SIRT4: variants seen among roughly 807,000 people sequenced by gnomAD.
SIRT4 encodes the protein NAD-dependent protein lipoamidase sirtuin-4, mitochondrial.
Under a neutral mutation model 26.1 loss-of-function variants are expected in SIRT4, and 23 were observed. The ratio of observed to expected loss-of-function variants is 0.88; its 90% confidence interval spans 0.63 to 1.25. The LOEUF is 1.25. Among genes scored for constraint, SIRT4 ranks in the 50% most tolerant of loss-of-function variants. The pLI, the probability that SIRT4 is intolerant of heterozygous loss-of-function variation, is 0.00. For synonymous variants in SIRT4, 155 were observed against 158.4 expected, an observed-to-expected ratio of 0.98 and a Z score of 0.16; for missense variants, 361 against 405.4, an observed-to-expected ratio of 0.89 and a Z score of 0.94.
At chr12:120,304,831 A>AT (rs1872686383) in intron 2 of SIRT4, among the ~76,000 whole-genome samples, 2 of 5,606 alleles carry the variant, frequency 3.6e-4, no homozygotes, top group Non-Finnish European at 9.0e-4. Context: ...ATATATATAT[A>AT]TATATTTTTT....
intron 2 of SIRT4, among the ~76,000 whole-genome samples, chr12:120,305,637 C>T (rs1256989903): frequency 6.6e-6 from 1 of 152,108 alleles, no homozygotes; most frequent in Non-Finnish European, 1.5e-5. Context: ...AATTCCCTAA[C>T]ATTTTGACTC....
chr12:120,312,335 T>C, intron 2 of SIRT4, 121 bp from the exon 3 acceptor site: 1 of 889,276 alleles, frequency 1.1e-6, no homozygotes, highest in Non-Finnish European at 1.7e-6. Context: ...GGGGTGGGGA[T>C]TGTGTGTTAG....
At chr12:120,298,057 G>A (rs1042654439), upstream of SIRT4, among the ~76,000 whole-genome samples, 6 of 151,738 alleles carry the variant, frequency 4.0e-5, no homozygotes, top group Non-Finnish European at 1.5e-5. Flanking sequence ...GTGGCCGGGC[G>A]CAGTGGCTCA....
At position 120,312,985 on chromosome 12, in the gene SIRT4, G is replaced by GA. The variant is rs763841971; in HGVS notation, c.897dup (p.Leu300ThrfsTer20). 5 of 1,614,014 alleles carry GA rather than the reference G, an allele frequency of 3.1e-6. No individual in the cohort carries two copies. In the East Asian group the frequency reaches 8.9e-5, roughly 29 times the overall value. The stretch of plus-strand genomic sequence containing the variant: ...CACGGTCGGATGACTTGGCGTGTCT[G>GA]AAACTGAATTCTCGTTGTGGAGAGT... On this transcript the variant is annotated frameshift_variant, in exon 4 of 4. Transcript: ENST00000202967. LOFTEE classifies it high-confidence loss of function.
chr12:120,295,918 A>T, the SIRT4 span, among the ~76,000 whole-genome samples: 2 of 151,324 alleles, frequency 1.3e-5, no homozygotes, highest in Non-Finnish European at 2.9e-5. Flanking sequence ...ACAAAATTAC[A>T]AAAATACAAA....
intron 2 of SIRT4, among the ~76,000 whole-genome samples, chr12:120,307,144 G>A (rs1009527342): frequency 2.0e-5 from 3 of 152,104 alleles, no homozygotes; most frequent in Non-Finnish European, 4.4e-5. Context: ...GTGTACATAC[G>A]TTACACTATG....
chr12:120,305,994 A>G (rs1317856056), intron 2 of SIRT4, among the ~76,000 whole-genome samples: 1 of 150,758 alleles, frequency 6.6e-6, no homozygotes, highest in African/African-American at 2.4e-5. Flanking sequence ...CCTGGGTGAC[A>G]GAGCGAGACT....
chr12:120,292,984 T>G, the SIRT4 span: 1 of 152,136 alleles, frequency 6.6e-6, no homozygotes, highest in Non-Finnish European at 1.5e-5. Context: ...GGTAAGACAC[T>G]TCCCCATCTC....
In SIRT4 at chr12:120,304,214, G is replaced by A. The variant is rs556779998; in HGVS notation, c.497+156G>A. On this transcript the variant is annotated intron_variant, in intron 2 of 3. Transcript: ENST00000202967. The stretch of plus-strand genomic sequence containing the variant: ...GTTGATTCCAGTAAATTCATTGACG[G>A]AGCAAGGATGTAAAACAGGAAAGAG... 430 of 567,374 alleles carry A rather than the reference G, an allele frequency of 7.6e-4. 2 individuals carry two copies. In the African/African-American group the frequency reaches 8.3e-3, roughly 11 times the overall value. The allele number at this position is 567,374 out of a possible 1,614,324, so 35.1% of individuals were successfully genotyped here. A position where few individuals can be genotyped will look rare whatever the true frequency, so the allele number is the denominator to read the frequency against.
the SIRT4 span, among the ~76,000 whole-genome samples, chr12:120,292,644 C>A: frequency 2.7e-5 from 4 of 150,256 alleles, no homozygotes; most frequent in Non-Finnish European, 5.9e-5. Flanking sequence ...AGCCAGCTGG[C>A]AAGAAAAGTC....
chr12:120,299,253 A>T (rs1872458947), upstream of SIRT4, among the ~76,000 whole-genome samples: 1 of 150,312 alleles, frequency 6.7e-6, no homozygotes, highest in Admixed American at 6.7e-5. Flanking sequence ...AAATACAATA[A>T]TAATAATAAT....
chr12:120,302,806 G>GC (rs1242240585), intron 1 of SIRT4, among the ~76,000 whole-genome samples: 6 of 147,470 alleles, frequency 4.1e-5, no homozygotes, highest in African/African-American at 1.5e-4. Context: ...TGCAACCTCC[G>GC]CCTCCCGGGT....
chr12:120,307,686 C>T (rs767497732), intron 2 of SIRT4, among the ~76,000 whole-genome samples: 2 of 152,002 alleles, frequency 1.3e-5, no homozygotes, highest in Non-Finnish European at 2.9e-5. Context: ...CAGTGAAACC[C>T]TGTCTCTACT....
At chr12:120,296,308 T>C in the SIRT4 span, among the ~76,000 whole-genome samples, 8 of 151,298 alleles carry the variant, frequency 5.3e-5, no homozygotes, top group East Asian at 4.0e-4. Flanking sequence ...AGCTCCGCCT[T>C]CCGGGTTCAC....
chr12:120,312,553 C>G lies in SIRT4; in HGVS notation c.595C>G (p.Leu199Val). 1 of 1,614,170 alleles carries G rather than the reference C, an allele frequency of 6.2e-7. No individual in the cohort carries two copies. The highest frequency in any genetic ancestry group is 8.5e-7 in the Non-Finnish European group (1 of 1,180,042). ...NPTWSAEAHG[L>V]APDGDVFLSE... is the part of the protein sequence containing the mutation. ...CACCTGGAGTGCTGAGGCCCATGGC[C>G]TGGCTCCTGATGGTGACGTCTTTCT... The change falls in exon 3 of 4, where the codon CTG becomes GTG. Residue 199 changes from leucine (L) to valine (V), a missense_variant. Physicochemically the swap from Leu to Val is conservative, Grantham distance 32. Transcript: ENST00000202967.
At chr12:120,301,117 T>A (rs185074624), upstream of SIRT4, among the ~76,000 whole-genome samples, 37 of 152,134 alleles carry the variant, frequency 2.4e-4, 1 homozygote, top group Admixed American at 2.2e-3. Flanking sequence ...GAGGCTAGGG[T>A]GGGCAGATCA....
At chr12:120,298,198 A>C (rs961302326), upstream of SIRT4, among the ~76,000 whole-genome samples, 9 of 141,530 alleles carry the variant, frequency 6.4e-5, no homozygotes, top group South Asian at 9.5e-4. Flanking sequence ...CTCCATCTCA[A>C]AAAAAAAAAA....
chr12:120,303,578 C>T lies in SIRT4; in HGVS notation c.17C>T (p.Ala6Val), dbSNP rs199653033. ...TTCTCTAGAATGAAGATGAGCTTTG[C>T]GTTGACTTTCAGGTCAGCAAAAGGC... MKMSF[A>V]LTFRSAKGRW... is the part of the protein sequence containing the mutation. The change falls in exon 2 of 4, where the codon GCG (alanine) becomes GTG (valine). Residue 6 changes from alanine to valine, a missense_variant. By Grantham distance (64) the Ala-to-Val change is moderately conservative (BLOSUM62 0). Transcript: ENST00000202967. 5.6e-6 allele frequency: 9 copies of T among 1,611,636 alleles called. No individual in the cohort carries two copies. Among genetic ancestry groups the T allele is most frequent in the South Asian group, 3.3e-5 (3 of 90,770 alleles).
rs1873036806 is a variant in SIRT4, at chr12:120,312,690, T to C, written c.732T>C (p.Asp244=). ...FGDTVNPDKV[D]FVHKRVKEAD... is the part of the protein sequence containing the mutation. Reference sequence around the variant, plus strand: ...ACACAGTGAACCCTGACAAGGTTGATTTTGTGCACAAGCGTGTAAAAGAAG... The same window carrying C: ...ACACAGTGAACCCTGACAAGGTTGACTTTGTGCACAAGCGTGTAAAAGAAG... Residue 244 remains aspartate, a synonymous_variant, in exon 3 of 4, where the codon GAT becomes GAC. Coordinates refer to ENST00000202967, the MANE Select transcript of SIRT4 (RefSeq NM_012240.3). 1.2e-6 allele frequency: 2 copies of C among 1,614,070 alleles called. No individual in the cohort carries two copies. The highest frequency in any genetic ancestry group is 8.5e-7 in the Non-Finnish European group (1 of 1,180,028).
Sources: gnomAD v4.1 joint callset for allele counts (sites outside exome capture counted in the v4.1 genomes callset) on GRCh38, gnomAD v4.1.1 for gene constraint, MANE v1.5 for transcripts, NCBI Gene and HGNC (gene_info 2026-07-23, HGNC 2026-07-21) for gene names.